PAPPA2: variants seen among roughly 807,000 people sequenced by gnomAD.
The protein encoded by PAPPA2 is pappalysin-2.
PAPPA2 carries 86 observed loss-of-function variants against 176.4 expected under a neutral mutation model. The observed-to-expected ratio is 0.49, with a 90% CI of 0.41 to 0.58. The LOEUF is 0.58. Ranked by LOEUF, PAPPA2 falls within the 20% of genes least tolerant of loss-of-function variation. PAPPA2 has a pLI of 0.00. For synonymous variants in PAPPA2, 809 were observed against 852.2 expected, an observed-to-expected ratio of 0.95 and a Z score of 0.88; for missense variants, 2,073 against 2,256.9, an observed-to-expected ratio of 0.92 and a Z score of 1.65.
At chr1:176,481,252 G>GCACACACAAACACACA (rs1652380769) in intron 1 of PAPPA2, among the ~76,000 whole-genome samples, 1 of 140,212 alleles carries the variant, frequency 7.1e-6, no homozygotes, top group Non-Finnish European at 1.5e-5. Flanking sequence ...AGATTTTAAA[G>GCACACACAAACACACA]CACACACACA....
chr1:176,758,918 A>T (rs533773663), intron 14 of PAPPA2, among the ~76,000 whole-genome samples: 1 of 152,296 alleles, frequency 6.6e-6, no homozygotes, highest in Non-Finnish European at 1.5e-5. Flanking sequence ...CCTTTGATAG[A>T]AGTCAGTTCA....
intron 3 of PAPPA2, among the ~76,000 whole-genome samples, chr1:176,619,214 A>G (rs1266422037): frequency 6.6e-6 from 1 of 152,202 alleles, no homozygotes; most frequent in Middle Eastern, 3.2e-3. Context: ...ACCATCTTTC[A>G]CATGTGTGCC....
At chr1:176,625,016 T>C (rs879674190) in intron 3 of PAPPA2, among the ~76,000 whole-genome samples, 1 of 152,088 alleles carries the variant, frequency 6.6e-6, no homozygotes, top group Admixed American at 6.6e-5. Context: ...ATATCTGGGG[T>C]CTACATTGTG....
intron 3 of PAPPA2, among the ~76,000 whole-genome samples, chr1:176,623,711 CTTCT>C (rs137895257): frequency 2.0e-4 from 25 of 123,654 alleles, no homozygotes; most frequent in East Asian, 7.0e-4. Flanking sequence ...TCTTTCTTTT[CTTCT>C]TTCTTTCTTT....
intron 2 of PAPPA2, among the ~76,000 whole-genome samples, chr1:176,570,562 T>C (rs1652263890): frequency 6.6e-6 from 1 of 152,022 alleles, no homozygotes; most frequent in Non-Finnish European, 1.5e-5. Flanking sequence ...AATATTCTTA[T>C]AATCCTTATA....
At chr1:176,697,419 C>G (rs1284354730) in intron 7 of PAPPA2, among the ~76,000 whole-genome samples, 1 of 152,042 alleles carries the variant, frequency 6.6e-6, no homozygotes, top group African/African-American at 2.4e-5. Flanking sequence ...CATTAATGAA[C>G]TAAGTATATA....
chr1:176,638,744 T>A (rs1656878624), intron 3 of PAPPA2, among the ~76,000 whole-genome samples: 2 of 152,022 alleles, frequency 1.3e-5, no homozygotes, highest in African/African-American at 4.8e-5. Flanking sequence ...TTTCTCCTTC[T>A]GGTTAACAAG....
intron 3 of PAPPA2, among the ~76,000 whole-genome samples, chr1:176,670,374 G>A (rs541327447): frequency 3.9e-5 from 6 of 152,174 alleles, no homozygotes; most frequent in Non-Finnish European, 7.4e-5. Context: ...CATGGATTAA[G>A]GGAGTATAAA....
intron 2 of PAPPA2, among the ~76,000 whole-genome samples, chr1:176,577,499 T>C (rs1442778669): frequency 6.6e-6 from 1 of 152,180 alleles, no homozygotes; most frequent in Non-Finnish European, 1.5e-5. Flanking sequence ...TTGTAAAAGC[T>C]TGGAGTCACA....
chr1:176,625,458 T>C (rs920075140), intron 3 of PAPPA2, among the ~76,000 whole-genome samples: 1 of 152,186 alleles, frequency 6.6e-6, no homozygotes, highest in African/African-American at 2.4e-5. Flanking sequence ...TTTCAATAAA[T>C]GTTAAAGTGA....
At chr1:176,678,455 A>G (rs1323321452) in intron 4 of PAPPA2, among the ~76,000 whole-genome samples, 1 of 151,988 alleles carries the variant, frequency 6.6e-6, no homozygotes, top group Non-Finnish European at 1.5e-5. Flanking sequence ...AGGAGCATGG[A>G]AAGTTTTTAT....
intron 3 of PAPPA2, among the ~76,000 whole-genome samples, chr1:176,617,329 G>A (rs1188720565): frequency 1.3e-4 from 20 of 152,156 alleles, no homozygotes; most frequent in Non-Finnish European, 2.9e-4. Flanking sequence ...AGGGCAGGAG[G>A]TGGCGGTGGT....
intron 21 of PAPPA2, among the ~76,000 whole-genome samples, chr1:176,802,223 C>T (rs1172589434): frequency 6.6e-6 from 1 of 151,888 alleles, no homozygotes; most frequent in Non-Finnish European, 1.5e-5. Flanking sequence ...TTGTAGCTAA[C>T]ATTATTTAGC....
At chr1:176,593,571 G>A (rs762410703) in intron 2 of PAPPA2, among the ~76,000 whole-genome samples, 6 of 152,160 alleles carry the variant, frequency 3.9e-5, no homozygotes, top group Non-Finnish European at 7.3e-5. Flanking sequence ...AACATTTAAG[G>A]CTTCCAAACT....
intron 3 of PAPPA2, among the ~76,000 whole-genome samples, chr1:176,614,142 G>A (rs1655083048): frequency 6.6e-6 from 1 of 152,206 alleles, no homozygotes; most frequent in African/African-American, 2.4e-5. Context: ...CAGAAGCGGG[G>A]CTGGGAGGGC....
chr1:176,582,016 C>T (rs1411056822), intron 2 of PAPPA2, among the ~76,000 whole-genome samples: 11 of 149,760 alleles, frequency 7.3e-5, no homozygotes, highest in East Asian at 2.0e-4. Context: ...CTCCGCCTCC[C>T]GGGTTCACGC....
intron 1 of PAPPA2, among the ~76,000 whole-genome samples, chr1:176,523,818 G>C (rs1452931427): frequency 6.6e-6 from 1 of 152,156 alleles, no homozygotes; most frequent in Non-Finnish European, 1.5e-5. Flanking sequence ...AACTGAATCA[G>C]AGACATAAGG....
chr1:176,828,898 G>A (rs1666965735), intron 21 of PAPPA2, among the ~76,000 whole-genome samples: 1 of 152,094 alleles, frequency 6.6e-6, no homozygotes, highest in Admixed American at 6.6e-5. Context: ...AACTACTTGG[G>A]AGGCTGAGGC....
At chr1:176,621,076 C>T (rs1046719403) in intron 3 of PAPPA2, among the ~76,000 whole-genome samples, 3 of 151,972 alleles carry the variant, frequency 2.0e-5, no homozygotes, top group Admixed American at 2.0e-4. Context: ...GAATAGAAAA[C>T]CCCAGGCCAG....
Sources: allele counts gnomAD v4.1 joint callset (sites outside exome capture counted in the v4.1 genomes callset), GRCh38; gene constraint gnomAD v4.1.1; transcripts MANE v1.5; gene names NCBI Gene and HGNC (gene_info 2026-07-23, HGNC 2026-07-21).